The following PTPRT variants were observed in gnomAD, a reference collection of about 807,000 sequenced individuals.
PTPRT encodes protein tyrosine phosphatase receptor type T, also known as receptor-type tyrosine-protein phosphatase T.
PTPRT carries 56 observed loss-of-function variants against 176.8 expected under a neutral mutation model. The ratio of observed to expected loss-of-function variants is 0.32; its 90% confidence interval spans 0.26 to 0.40. The LOEUF (loss-of-function observed/expected upper bound fraction) is 0.40. Ranked by LOEUF, PTPRT falls within the 10% of genes least tolerant of loss-of-function variation. The probability of loss-of-function intolerance (pLI) is 1.00; values close to 1 mark genes in which losing one functional copy is unlikely to be tolerated. For synonymous variants in PTPRT, 783 were observed against 739.0 expected (o/e 1.06, Z -0.96); for missense variants, 1,540 against 1,908.2 (o/e 0.81, Z 3.60).
intron 12 of PTPRT, among the ~76,000 whole-genome samples, chr20:42,308,925 A>C (rs942792070): frequency 6.6e-6 from 1 of 152,314 alleles, no homozygotes; most frequent in African/African-American, 2.4e-5. Context: ...TTATACTGCA[A>C]GCATCATGAC....
intron 1 of PTPRT, among the ~76,000 whole-genome samples, chr20:42,943,448 G>A (rs1447884488): frequency 6.6e-6 from 1 of 152,152 alleles, no homozygotes; most frequent in Non-Finnish European, 1.5e-5. Context: ...CTAATGAGAA[G>A]AGCTGTCCAC....
In PTPRT at chr20:42,810,474, G is replaced by C. The variant is rs149872299; in HGVS notation, c.215-19008C>G. Among the ~76,000 whole-genome samples the C allele has an allele frequency of 5.6e-4, 85 of 152,236 alleles. No homozygotes were observed. The East Asian group carries it at 0.015, about 27-fold the overall frequency. On this transcript the variant is annotated intron_variant, in intron 2 of 30. Transcript: ENST00000373187. Reference sequence around the variant, plus strand: ...AATCAGCTCTCACCCCACGGCTATGGGACTGGTCTGGTCAGGACCTGGAGA... The same window carrying C: ...AATCAGCTCTCACCCCACGGCTATGCGACTGGTCTGGTCAGGACCTGGAGA...
chr20:42,677,939 C>T lies in PTPRT; in HGVS notation c.1080G>A (p.Val360=), dbSNP rs371552089. The part of the protein sequence containing the change: ...LDPDVEYEIR[V]LLTRPGEGGT... ...CCCCCTCACCTGGTCGTGTGAGGAG[C>T]ACTCGGATCTCATACTCAACATCGG... The change falls in exon 7 of 31, where the codon GTG becomes GTA. Residue 360 remains valine (V), a synonymous_variant. Coordinates refer to ENST00000373187, the MANE Select transcript of PTPRT (RefSeq NM_007050.6). 2 of 1,614,002 alleles carry T rather than the reference C, an allele frequency of 1.2e-6. No homozygotes were observed. The highest frequency in any genetic ancestry group is 1.3e-5 in the African/African-American group (1 of 74,898).
chr20:42,386,430 G>C (rs1286087849), intron 9 of PTPRT, among the ~76,000 whole-genome samples: 3 of 152,158 alleles, frequency 2.0e-5, no homozygotes, highest in African/African-American at 7.2e-5. Context: ...CAGGATGAGG[G>C]ATGGTCTTAG....
chr20:43,045,455 A>AT (rs143406929), intron 1 of PTPRT, among the ~76,000 whole-genome samples: 3,104 of 127,158 alleles, frequency 0.024, 113 homozygotes, highest in Middle Eastern at 0.071. Flanking sequence ...TCTTTTTTTC[A>AT]TTTTTTTTTT....
At chr20:42,804,940 A>G (rs1388234413) in intron 2 of PTPRT, among the ~76,000 whole-genome samples, 1 of 152,116 alleles carries the variant, frequency 6.6e-6, no homozygotes, top group Non-Finnish European at 1.5e-5. Context: ...CTACTTCCAA[A>G]TAAGGTCACA....
In PTPRT at chr20:42,710,856, A is replaced by G. The variant is rs562024380; in HGVS notation, c.860-32697T>C. On this transcript the variant is annotated intron_variant, in intron 6 of 30. Transcript: ENST00000373187. ...GCAGCCACATGGGCTGTGTCCAAGA[A>G]AGCCACAGGGACAGGAATGCCCAAG... Among the ~76,000 whole-genome samples, 3 of 152,346 alleles carry G rather than the reference A, an allele frequency of 2.0e-5. No homozygotes were observed. In the South Asian group the frequency reaches 6.2e-4, roughly 32 times the overall value.
intron 2 of PTPRT, among the ~76,000 whole-genome samples, chr20:42,822,908 G>T (rs182810562): frequency 2.0e-5 from 3 of 152,330 alleles, no homozygotes; most frequent in African/African-American, 7.2e-5. Flanking sequence ...ATGCTAGTGA[G>T]ACTGTGGAGA....
At chr20:42,526,635 G>A (rs2145518862) in intron 7 of PTPRT, among the ~76,000 whole-genome samples, 1 of 152,096 alleles carries the variant, frequency 6.6e-6, no homozygotes, top group South Asian at 2.1e-4. Context: ...TTTTTAACTT[G>A]TCTTTTTCCT....
chr20:42,833,952 A>G (rs1400714866), intron 2 of PTPRT, among the ~76,000 whole-genome samples: 1 of 152,200 alleles, frequency 6.6e-6, no homozygotes, highest in African/African-American at 2.4e-5. Context: ...GGACTAGGCT[A>G]AAAATTGTTA....
rs540147115 is a variant in PTPRT at position 42,521,342 on chromosome 20, C to T, written c.1154-48780G>A. Among the ~76,000 whole-genome samples the T allele has an allele frequency of 2.7e-4, 41 of 152,222 alleles. 1 individual carries two copies. The South Asian group carries it at 6.6e-3, about 25-fold the overall frequency. On this transcript the variant is annotated intron_variant, in intron 7 of 30. Transcript: ENST00000373187. ...TCTTCACCAAGAATCCTGGTTCTCA[C>T]GGAGATAAGGGTAAAATAGAAATTA... is the stretch of plus-strand genomic sequence containing the variant.
At chr20:42,605,042 G>A (rs2073850241) in intron 7 of PTPRT, among the ~76,000 whole-genome samples, 1 of 152,222 alleles carries the variant, frequency 6.6e-6, no homozygotes, top group Admixed American at 6.5e-5. Context: ...CAGAGTCTCT[G>A]TCGGTTGGAG....
chr20:42,084,604 T>C (rs73119850), intron 29 of PTPRT, 78 bp downstream of exon 29: 57,083 of 1,257,722 alleles, frequency 0.045, 1,513 homozygotes, highest in Middle Eastern at 0.069. Context: ...AGGACTGGGG[T>C]ATGTGGCCAG....
chr20:43,021,416 T>C (rs769656218), intron 1 of PTPRT, among the ~76,000 whole-genome samples: 3 of 152,102 alleles, frequency 2.0e-5, no homozygotes, highest in Non-Finnish European at 4.4e-5. Flanking sequence ...AACCTGATAA[T>C]TTTTGCCCAG....
At chr20:42,972,630 C>T (rs1269167611) in intron 1 of PTPRT, among the ~76,000 whole-genome samples, 1 of 146,666 alleles carries the variant, frequency 6.8e-6, no homozygotes, top group Non-Finnish European at 1.5e-5. Flanking sequence ...GGATCGTGTC[C>T]CTGCACTCCA....
rs553014573 is a variant in PTPRT, at chr20:42,994,593, C to T, written c.89-108661G>A. Among the ~76,000 whole-genome samples the T allele has an allele frequency of 1.1e-4, 17 of 152,258 alleles. No homozygotes were observed. In the South Asian group the frequency reaches 1.7e-3, roughly 15 times the overall value. ...GGCACACATCCCAACCAAAAAGCCA[C>T]TGAAATGTTAGAGCTTATTGGTATT... On this transcript the variant is annotated intron_variant, in intron 1 of 30. Transcript: ENST00000373187.
chr20:43,030,364 T>C (rs758692845), intron 1 of PTPRT, among the ~76,000 whole-genome samples: 11 of 152,160 alleles, frequency 7.2e-5, no homozygotes, highest in Non-Finnish European at 1.2e-4. Context: ...CCGTCATATA[T>C]GATGCTCCAA....
At chr20:42,550,087 G>A (rs1464666837) in intron 7 of PTPRT, among the ~76,000 whole-genome samples, 3 of 152,242 alleles carry the variant, frequency 2.0e-5, no homozygotes, top group African/African-American at 7.2e-5. Context: ...TGACCACTCT[G>A]TATTGAATAG....
intron 7 of PTPRT, among the ~76,000 whole-genome samples, chr20:42,569,555 A>G (rs1275676363): frequency 6.6e-6 from 1 of 152,090 alleles, no homozygotes; most frequent in Non-Finnish European, 1.5e-5. Context: ...CACCCTGTCT[A>G]TAAACTCACT....
Sources: allele counts gnomAD v4.1 joint callset (sites outside exome capture counted in the v4.1 genomes callset), GRCh38; gene constraint gnomAD v4.1.1; transcripts MANE v1.5; gene names NCBI Gene and HGNC (gene_info 2026-07-23, HGNC 2026-07-21).